The following SLC24A2 variants were observed in gnomAD, a reference collection of about 807,000 sequenced individuals.
SLC24A2 encodes the protein sodium/potassium/calcium exchanger 2.
A neutral mutation model predicts 62.0 loss-of-function variants in SLC24A2; 36 were observed. The ratio of observed to expected loss-of-function variants is 0.58; its 90% CI spans 0.44 to 0.77. The LOEUF (loss-of-function observed/expected upper bound fraction) is 0.77. Ranked by LOEUF, SLC24A2 falls within the 30% of genes least tolerant of loss-of-function variation. SLC24A2 has a pLI of 0.00. For missense variants in SLC24A2, 846 were observed against 817.9 expected (o/e 1.03, Z -0.42); for synonymous variants, 358 against 294.0 (o/e 1.22, Z -2.23).
intron 4 of SLC24A2, among the ~76,000 whole-genome samples, chr9:19,606,079 A>G (rs1836976373): frequency 6.6e-6 from 1 of 152,230 alleles, no homozygotes; most frequent in Non-Finnish European, 1.5e-5. Flanking sequence ...TCAGGTCTTC[A>G]TGGTGTAATC....
intron 2 of SLC24A2, among the ~76,000 whole-genome samples, chr9:19,717,790 T>C (rs1820901302): frequency 6.6e-6 from 1 of 152,078 alleles, no homozygotes; most frequent in African/African-American, 2.4e-5. Context: ...CTGAAGCCTC[T>C]TGCAGTGATT....
chr9:20,152,847 T>C, the SLC24A2 span, among the ~76,000 whole-genome samples: 8 of 151,968 alleles, frequency 5.3e-5, no homozygotes, highest in Admixed American at 5.3e-4. Context: ...AGGGATGGCA[T>C]CTGAGAATGG....
chr9:20,273,466 C>A, the SLC24A2 span, among the ~76,000 whole-genome samples: 2 of 152,148 alleles, frequency 1.3e-5, no homozygotes, highest in Admixed American at 6.5e-5. Flanking sequence ...ATGGGAGGAA[C>A]CCTGTGGGAG....
intron 2 of SLC24A2, among the ~76,000 whole-genome samples, chr9:19,672,075 A>T (rs1819434831): frequency 6.8e-6 from 1 of 146,368 alleles, no homozygotes. Context: ...TCACAGAATG[A>T]TTTAGGAAGA....
the SLC24A2 span, among the ~76,000 whole-genome samples, chr9:20,215,710 A>G: frequency 2.0e-5 from 3 of 152,100 alleles, no homozygotes; most frequent in Non-Finnish European, 4.4e-5. Context: ...GTACAAGGCC[A>G]TGGCTTTTGT....
the SLC24A2 span, among the ~76,000 whole-genome samples, chr9:19,917,335 T>A: frequency 6.8e-6 from 1 of 146,708 alleles, no homozygotes; most frequent in Admixed American, 7.2e-5. Context: ...GAACTGATCT[T>A]GAGTTTTCTT....
At chr9:19,845,080 A>G in the SLC24A2 span, among the ~76,000 whole-genome samples, 2 of 151,986 alleles carry the variant, frequency 1.3e-5, no homozygotes, top group African/African-American at 4.8e-5. Flanking sequence ...TAGGAATAGC[A>G]TTGAATCTGT....
At chr9:20,251,211 A>G in the SLC24A2 span, among the ~76,000 whole-genome samples, 1 of 152,132 alleles carries the variant, frequency 6.6e-6, no homozygotes, top group African/African-American at 2.4e-5. Flanking sequence ...CTTCTCTACT[A>G]CTTTCTCCTC....
At chr9:19,885,639 G>C in the SLC24A2 span, among the ~76,000 whole-genome samples, 2 of 152,050 alleles carry the variant, frequency 1.3e-5, no homozygotes, top group African/African-American at 4.8e-5. Flanking sequence ...CATGTACAGG[G>C]TTGGTTATAC....
At chr9:19,628,833 A>C (rs113853453) in intron 2 of SLC24A2, among the ~76,000 whole-genome samples, 2 of 152,230 alleles carry the variant, frequency 1.3e-5, no homozygotes, top group African/African-American at 4.8e-5. Context: ...TAAAACAAAC[A>C]AACAACTCAT....
chr9:19,970,677 C>G, the SLC24A2 span, among the ~76,000 whole-genome samples: 1 of 152,042 alleles, frequency 6.6e-6, no homozygotes, highest in East Asian at 1.9e-4. Context: ...TATAAACTAT[C>G]TTAGGAATTA....
the SLC24A2 span, among the ~76,000 whole-genome samples, chr9:20,110,011 A>G: frequency 6.6e-6 from 1 of 152,180 alleles, no homozygotes; most frequent in East Asian, 1.9e-4. Flanking sequence ...TTTCTTACAT[A>G]TATACAGGGT....
At chr9:20,103,309 C>A in the SLC24A2 span, among the ~76,000 whole-genome samples, 3 of 152,216 alleles carry the variant, frequency 2.0e-5, no homozygotes, top group African/African-American at 7.2e-5. Flanking sequence ...CCTCTGCAGA[C>A]TTAAAAGTCC....
the SLC24A2 span, among the ~76,000 whole-genome samples, chr9:19,840,281 C>G: frequency 6.6e-6 from 1 of 152,122 alleles, no homozygotes; most frequent in Admixed American, 6.5e-5. Flanking sequence ...AATTTACGAT[C>G]CTTATAACTG....
intron 2 of SLC24A2, among the ~76,000 whole-genome samples, chr9:19,671,294 A>C (rs989029328): frequency 6.6e-6 from 1 of 150,524 alleles, no homozygotes; most frequent in Non-Finnish European, 1.5e-5. Context: ...TCAGTATTTT[A>C]TTATTATTAT....
the SLC24A2 span, among the ~76,000 whole-genome samples, chr9:19,809,781 C>T: frequency 3.9e-5 from 6 of 152,198 alleles, no homozygotes; most frequent in East Asian, 1.2e-3. Context: ...AAATCGGACA[C>T]CACCTCCTCA....
At chr9:19,551,336 A>G (rs10757073) in intron 7 of SLC24A2, among the ~76,000 whole-genome samples, 109,255 of 152,158 alleles carry the variant, frequency 0.72, 41,552 homozygotes, top group East Asian at 1. Context: ...TTGGCAGCCA[A>G]TGGCCAGCGT....
chr9:20,140,006 G>A, the SLC24A2 span, among the ~76,000 whole-genome samples: 2 of 152,172 alleles, frequency 1.3e-5, no homozygotes, highest in African/African-American at 4.8e-5. Context: ...GGGGACTGAT[G>A]CGTGCTGCTC....
the SLC24A2 span, among the ~76,000 whole-genome samples, chr9:20,004,553 T>A: frequency 2.6e-5 from 4 of 152,242 alleles, no homozygotes; most frequent in African/African-American, 9.6e-5. Flanking sequence ...CATTTTGTTT[T>A]ATTGAACAAT....
Sources: gnomAD v4.1 joint callset for allele counts (sites outside exome capture counted in the v4.1 genomes callset) on GRCh38, gnomAD v4.1.1 for gene constraint, MANE v1.5 for transcripts, NCBI Gene and HGNC (gene_info 2026-07-23, HGNC 2026-07-21) for gene names.